Variants in LSM12 observed in about 807,000 individuals in gnomAD.
The protein encoded by LSM12 is LSM12 homolog.
For missense variants in LSM12, 108 were observed against 238.9 expected, an observed-to-expected ratio of 0.45 and a Z score of 3.61; for synonymous variants, 74 against 87.3, an observed-to-expected ratio of 0.85 and a Z score of 0.85.
chr17:44,040,066 A>T, intron 3 of LSM12, 81 bp downstream of exon 3: 1 of 1,056,582 alleles, frequency 9.5e-7, no homozygotes, highest in Non-Finnish European at 1.4e-6. Flanking sequence ...TTAGGAAGAC[A>T]ACCACCCAAA....
chr17:44,064,949 C>G (rs910380720), intron 1 of LSM12, among the ~76,000 whole-genome samples: 2 of 150,574 alleles, frequency 1.3e-5, no homozygotes, highest in Non-Finnish European at 3.0e-5. Context: ...TTGGCTAACA[C>G]GGTGAAACCC....
intron 2 of LSM12, among the ~76,000 whole-genome samples, chr17:44,044,836 C>T (rs977914913): frequency 2.6e-5 from 4 of 152,204 alleles, no homozygotes; most frequent in African/African-American, 9.7e-5. Context: ...AATTTAGCTG[C>T]TGTACAAATC....
intron 2 of LSM12, among the ~76,000 whole-genome samples, chr17:44,043,533 A>G (rs2049522260): frequency 6.7e-6 from 1 of 150,256 alleles, no homozygotes; most frequent in Admixed American, 6.8e-5. Context: ...AACCCCGGTA[A>G]CAAGGAGGAG....
At chr17:44,045,399 G>A (rs2049549688) in intron 2 of LSM12, among the ~76,000 whole-genome samples, 6 of 152,028 alleles carry the variant, frequency 3.9e-5, no homozygotes, top group South Asian at 4.1e-4. Flanking sequence ...GTTGACTTAC[G>A]TCTCTGGCTT....
chr17:44,053,385 G>T (rs2049671263), intron 2 of LSM12, among the ~76,000 whole-genome samples: 1 of 152,168 alleles, frequency 6.6e-6, no homozygotes, highest in Admixed American at 6.6e-5. Flanking sequence ...GAAAAAGTTT[G>T]CTCCTCCCTG....
intron 2 of LSM12, among the ~76,000 whole-genome samples, chr17:44,046,759 CTTT>C (rs35839029): frequency 1.8e-4 from 12 of 68,352 alleles, no homozygotes; most frequent in Non-Finnish European, 3.0e-4. Context: ...TTTTTTTTTT[CTTT>C]TTTTTTTTTT....
At chr17:44,039,929 C>G (rs2049466180) in intron 3 of LSM12, among the ~76,000 whole-genome samples, 1 of 152,194 alleles carries the variant, frequency 6.6e-6, no homozygotes, top group South Asian at 2.1e-4. Context: ...AGACAAGCAA[C>G]TAAAGACCAG....
intron 2 of LSM12, among the ~76,000 whole-genome samples, chr17:44,045,742 T>C (rs1417300987): frequency 6.6e-6 from 1 of 151,368 alleles, no homozygotes; most frequent in Non-Finnish European, 1.5e-5. Context: ...AGCTAAGGTG[T>C]TGTATTTTTT....
intron 2 of LSM12, among the ~76,000 whole-genome samples, chr17:44,044,897 A>G (rs1368655154): frequency 6.6e-6 from 1 of 152,190 alleles, no homozygotes; most frequent in Non-Finnish European, 1.5e-5. Flanking sequence ...TAAATGGCCC[A>G]ATTATTCCAA....
At chr17:44,064,254 ACT>A (rs35895213) in intron 1 of LSM12, among the ~76,000 whole-genome samples, 61,141 of 151,756 alleles carry the variant, frequency 0.4, 14,234 homozygotes, top group Middle Eastern at 0.59. Context: ...TTCGTATAAT[ACT>A]CTCTGTGTCT....
chr17:44,042,806 A>C (rs1188954710), intron 2 of LSM12, among the ~76,000 whole-genome samples: 1 of 152,018 alleles, frequency 6.6e-6, no homozygotes, highest in Non-Finnish European at 1.5e-5. Flanking sequence ...TGACCTCGTG[A>C]TCCACCCACC....
chr17:44,049,851 G>A (rs2049619315), intron 2 of LSM12, among the ~76,000 whole-genome samples: 1 of 152,176 alleles, frequency 6.6e-6, no homozygotes, highest in African/African-American at 2.4e-5. Context: ...CCTGCTGGGT[G>A]TGACCTACTG....
intron 2 of LSM12, among the ~76,000 whole-genome samples, chr17:44,052,995 A>T (rs1306609583): frequency 6.6e-6 from 1 of 152,134 alleles, no homozygotes; most frequent in Non-Finnish European, 1.5e-5. Flanking sequence ...AACAACCTCC[A>T]GTTCAGCTCA....
chr17:44,045,163 G>A (rs921878561), intron 2 of LSM12, among the ~76,000 whole-genome samples: 2 of 152,084 alleles, frequency 1.3e-5, no homozygotes, highest in Non-Finnish European at 2.9e-5. Flanking sequence ...AAGTAGCTGG[G>A]ATTACAGGTG....
rs914765720 is a variant in LSM12 at position 44,066,623 on chromosome 17, CA to C, written c.-37del. The stretch of plus-strand genomic sequence containing the variant: ...CAGCCGCGGCCGGCGGCGGCGGCGG[CA>C]GCAGCGGGCGAAAGCCGGGCCCCCA... On this transcript the variant is annotated 5_prime_UTR_variant, in exon 1 of 5. Coordinates refer to ENST00000293406, the MANE Select transcript of LSM12 (RefSeq NM_001371445.1). 1.5e-6 allele frequency: 2 copies of C among 1,314,164 alleles called. No individual in the cohort carries two copies. The highest frequency in any genetic ancestry group is 3.1e-5 in the African/African-American group (2 of 64,494). 81.4% of individuals were successfully genotyped at this position (1,314,164 alleles called of 1,614,324 possible). A position where few individuals can be genotyped will look rare whatever the true frequency, so the allele number is the denominator to read the frequency against.
chr17:44,040,968 A>G (rs910607818), intron 2 of LSM12, among the ~76,000 whole-genome samples: 4 of 151,958 alleles, frequency 2.6e-5, no homozygotes, highest in Non-Finnish European at 5.9e-5. Flanking sequence ...GTGACAGAGC[A>G]AGACTCCGTC....
At chr17:44,039,362 TGTC>T (rs1402253430) in intron 3 of LSM12, among the ~76,000 whole-genome samples, 4 of 118,238 alleles carry the variant, frequency 3.4e-5, no homozygotes. Flanking sequence ...ACCAACAAAA[TGTC>T]TTTTTTTTTT....
At chr17:44,059,609 A>G (rs1490474900) in intron 2 of LSM12, among the ~76,000 whole-genome samples, 1 of 152,152 alleles carries the variant, frequency 6.6e-6, no homozygotes, top group Non-Finnish European at 1.5e-5. Flanking sequence ...TTCCTCTTAC[A>G]TGCTACTGCT....
At chr17:44,043,807 A>T (rs937885826) in intron 2 of LSM12, among the ~76,000 whole-genome samples, 62 of 131,382 alleles carry the variant, frequency 4.7e-4, no homozygotes, top group Non-Finnish European at 7.3e-4. Context: ...TGCCTCTATT[A>T]AAAAAAAAAA....
Sources: allele counts gnomAD v4.1 joint callset (sites outside exome capture counted in the v4.1 genomes callset), GRCh38; gene constraint gnomAD v4.1.1; transcripts MANE v1.5; gene names NCBI Gene and HGNC (gene_info 2026-07-23, HGNC 2026-07-21).